The following MECOM variants were observed in gnomAD, a reference collection of about 807,000 sequenced individuals.
The protein encoded by MECOM is MDS1 and EVI1 complex locus, also known as histone-lysine N-methyltransferase MECOM.
In MECOM, 13 loss-of-function variants were observed where a neutral mutation model predicts 116.3. That is an observed-to-expected ratio of 0.11 (90% CI 0.07 to 0.18). MECOM has a LOEUF of 0.18. Ranked by LOEUF, MECOM falls within the 10% of genes least tolerant of loss-of-function variation. The pLI, the probability that MECOM is intolerant of heterozygous loss-of-function variation, is 1.00. For synonymous variants in MECOM, 528 were observed against 535.2 expected (o/e 0.99, Z 0.19); for missense variants, 1,299 against 1,509.0 (o/e 0.86, Z 2.31).
At chr3:169,429,101 G>A (rs1040683635) in intron 1 of MECOM, among the ~76,000 whole-genome samples, 1 of 152,202 alleles carries the variant, frequency 6.6e-6, no homozygotes, top group Admixed American at 6.5e-5. Context: ...GTTGAAATGA[G>A]AGACTGGAGT....
At chr3:169,196,009 T>G (rs1183319877) in intron 2 of MECOM, among the ~76,000 whole-genome samples, 1 of 152,040 alleles carries the variant, frequency 6.6e-6, no homozygotes, top group Non-Finnish European at 1.5e-5. Context: ...CTGGCTAAAC[T>G]TTGGACTTAG....
At chr3:169,172,112 G>C (rs183638929) in intron 2 of MECOM, among the ~76,000 whole-genome samples, 33 of 150,536 alleles carry the variant, frequency 2.2e-4, no homozygotes, top group African/African-American at 6.8e-4. Context: ...TTTTTACTAA[G>C]AGTGATATAT....
chr3:169,497,660 T>C (rs1260360152), intron 1 of MECOM, among the ~76,000 whole-genome samples: 1 of 152,146 alleles, frequency 6.6e-6, no homozygotes, highest in Non-Finnish European at 1.5e-5. Flanking sequence ...TCCCGGCCAG[T>C]TTTTCTCTCT....
intron 1 of MECOM, among the ~76,000 whole-genome samples, chr3:169,397,571 G>A (rs1385745673): frequency 6.6e-6 from 1 of 152,146 alleles, no homozygotes; most frequent in African/African-American, 2.4e-5. Flanking sequence ...AGAACATGAA[G>A]AACTTTCTTG....
intron 1 of MECOM, among the ~76,000 whole-genome samples, chr3:169,420,493 G>A (rs1187306425): frequency 6.6e-6 from 1 of 152,116 alleles, no homozygotes; most frequent in East Asian, 1.9e-4. Context: ...AGAAACAGAA[G>A]AAATGTAGCA....
intron 2 of MECOM, among the ~76,000 whole-genome samples, chr3:169,326,768 T>C (rs1577723155): frequency 1.3e-5 from 2 of 152,312 alleles, no homozygotes; most frequent in East Asian, 3.9e-4. Context: ...CATGAATATG[T>C]TTGGGTGTGT....
At chr3:169,134,999 A>G (rs889761110) in intron 3 of MECOM, among the ~76,000 whole-genome samples, 31 of 152,176 alleles carry the variant, frequency 2.0e-4, no homozygotes, top group African/African-American at 7.0e-4. Context: ...ATTTATATAG[A>G]TTTTCTCACA....
At chr3:169,260,003 TA>T (rs1416814504) in intron 2 of MECOM, among the ~76,000 whole-genome samples, 2 of 152,184 alleles carry the variant, frequency 1.3e-5, no homozygotes, top group African/African-American at 4.8e-5. Flanking sequence ...TTAATGCATA[TA>T]AAGTGCTTAG....
At chr3:169,178,147 A>C (rs1745449138) in intron 2 of MECOM, among the ~76,000 whole-genome samples, 1 of 152,170 alleles carries the variant, frequency 6.6e-6, no homozygotes, top group African/African-American at 2.4e-5. Context: ...TATTGAAAGA[A>C]GGAAGGAATA....
intron 1 of MECOM, among the ~76,000 whole-genome samples, chr3:169,625,364 A>C (rs1320963310): frequency 6.6e-6 from 1 of 152,106 alleles, no homozygotes; most frequent in Non-Finnish European, 1.5e-5. Flanking sequence ...TCTCACTCTC[A>C]TTCCTGACAG....
At chr3:169,171,727 T>C (rs1454349255) in intron 2 of MECOM, among the ~76,000 whole-genome samples, 2 of 152,090 alleles carry the variant, frequency 1.3e-5, no homozygotes, top group African/African-American at 4.8e-5. Context: ...AAGAAGCTAT[T>C]CCTCAACTAT....
rs186143926 is a variant in MECOM at position 169,595,341 on chromosome 3, C to T, written c.37+67995G>A. On this transcript the variant is annotated intron_variant, in intron 1 of 16. Coordinates refer to ENST00000651503, the MANE Select transcript of MECOM (RefSeq NM_004991.4). ...TACCTAATTTAGCAGAATATATTAC[C>T]TCTATGCTTCATAAATCTTAATTAA... Among the ~76,000 whole-genome samples, 630 of 152,234 alleles carry T rather than the reference C, an allele frequency of 4.1e-3. 2 individuals are homozygous for T. Among genetic ancestry groups the T allele is most frequent in the Middle Eastern group, 6.8e-3 (2 of 294 alleles).
intron 1 of MECOM, among the ~76,000 whole-genome samples, chr3:169,543,029 C>T (rs1381176614): frequency 1.3e-5 from 2 of 152,192 alleles, no homozygotes; most frequent in African/African-American, 4.8e-5. Flanking sequence ...TGGGATCATT[C>T]TCAACCATAG....
chr3:169,134,146 G>A (rs6773653), intron 3 of MECOM, among the ~76,000 whole-genome samples: 26,111 of 152,056 alleles, frequency 0.17, 3,649 homozygotes, highest in African/African-American at 0.39. Flanking sequence ...TTTCTTTGTA[G>A]TCCACTATTA....
intron 2 of MECOM, among the ~76,000 whole-genome samples, chr3:169,257,807 T>C (rs1212950638): frequency 6.6e-6 from 1 of 152,208 alleles, no homozygotes; most frequent in Non-Finnish European, 1.5e-5. Context: ...ATGGTGTGGA[T>C]AAATGCTTCC....
intron 7 of MECOM, among the ~76,000 whole-genome samples, chr3:169,119,459 C>T (rs1197966677): frequency 6.6e-6 from 1 of 151,972 alleles, no homozygotes; most frequent in Non-Finnish European, 1.5e-5. Flanking sequence ...AAAGGGACAC[C>T]CTATGGCACT....
At chr3:169,428,305 TG>T (rs1741054252) in intron 1 of MECOM, among the ~76,000 whole-genome samples, 2 of 152,116 alleles carry the variant, frequency 1.3e-5, no homozygotes, top group African/African-American at 4.8e-5. Context: ...TCATGGACTG[TG>T]GGGGGTTGGT....
At chr3:169,192,383 T>C (rs1747825219) in intron 2 of MECOM, among the ~76,000 whole-genome samples, 1 of 152,052 alleles carries the variant, frequency 6.6e-6, no homozygotes, top group African/African-American at 2.4e-5. Context: ...ATTTAAGTTT[T>C]CCTCTCTGAG....
At chr3:169,117,174 T>G (rs1214705357) in intron 7 of MECOM, among the ~76,000 whole-genome samples, 1 of 152,182 alleles carries the variant, frequency 6.6e-6, no homozygotes, top group Non-Finnish European at 1.5e-5. Flanking sequence ...AATTCTATTT[T>G]GTAGGCACCA....
Sources: allele counts gnomAD v4.1 joint callset (sites outside exome capture counted in the v4.1 genomes callset), GRCh38; gene constraint gnomAD v4.1.1; transcripts MANE v1.5; gene names NCBI Gene and HGNC (gene_info 2026-07-23, HGNC 2026-07-21).